Variants in SYT10 observed in about 807,000 individuals in gnomAD.
The protein encoded by SYT10 is synaptotagmin 10, also known as synaptotagmin-10.
Under a neutral mutation model 51.1 loss-of-function variants are expected in SYT10, and 31 were observed. The observed-to-expected ratio is 0.61, with a 90% CI of 0.46 to 0.82. The LOEUF (loss-of-function observed/expected upper bound fraction) is 0.82. Ranked by LOEUF, SYT10 falls within the 40% of genes least tolerant of loss-of-function variation. SYT10 has a pLI of 0.00. For missense variants in SYT10, 603 were observed against 634.0 expected (o/e 0.95, Z 0.53); for synonymous variants, 233 against 225.9 (o/e 1.03, Z -0.28).
In SYT10 at chr12:33,382,412, A is replaced by G. The variant is rs774976396; in HGVS notation, c.1307T>C (p.Phe436Ser). The G allele has an allele frequency of 1.2e-6, 2 of 1,613,078 alleles. No individual in the cohort carries two copies. Among genetic ancestry groups the G allele is most frequent in the Non-Finnish European group, 1.7e-6 (2 of 1,179,500 alleles). The stretch of plus-strand genomic sequence containing the variant: ...GTCCACGTTCTCTGGAGGGATGTCA[A>G]AAATAATGGCCTCATTGTACACAGG... ...LNPVYNEAII[F>S]DIPPENVDQV... Residue 436 changes from phenylalanine to serine, a missense_variant, in exon 5 of 7, where the codon TTT becomes TCT. By Grantham distance (155) the Phe-to-Ser change is radical (BLOSUM62 -2). Transcript: ENST00000228567.
chr12:33,382,274 T>A, intron 5 of SYT10, 75 bp downstream of exon 5: 1 of 1,272,948 alleles, frequency 7.9e-7, no homozygotes, highest in East Asian at 2.8e-5. Flanking sequence ...TGGCAGTAAA[T>A]GACCTGAAAA....
intron 3 of SYT10, among the ~76,000 whole-genome samples, chr12:33,386,671 G>A (rs1866159316): frequency 6.6e-6 from 1 of 151,916 alleles, no homozygotes; most frequent in African/African-American, 2.4e-5. Flanking sequence ...ACATATTTTT[G>A]TAGTACTTAT....
chr12:33,439,196 A>G (rs1311949013), intron 1 of SYT10, among the ~76,000 whole-genome samples, 176 bp downstream of exon 1: 2 of 152,146 alleles, frequency 1.3e-5, no homozygotes, highest in Non-Finnish European at 2.9e-5. Context: ...ACAAAACCCA[A>G]ACGCCCCACC....
intron 2 of SYT10, among the ~76,000 whole-genome samples, chr12:33,421,034 A>C (rs941974297): frequency 7.2e-5 from 11 of 152,184 alleles, no homozygotes; most frequent in Admixed American, 6.5e-4. Context: ...TAGCATAGAT[A>C]ATTTCAATTT....
Position 33,407,170 on chromosome 12 carries a change from A to G in SYT10, c.696T>C (p.Cys232=), listed in dbSNP as rs1866364222. ...ACTGGAGGGTAAAGTTAAGTTTCCC[A>G]CAGATTTTGACATCTTCGTTTTGGT... ...EGNQNEDVKI[C]GKLNFTLQYD... The change falls in exon 3 of 7, where the codon TGT becomes TGC. Residue 232 remains cysteine, a synonymous_variant. Coordinates refer to ENST00000228567, the MANE Select transcript of SYT10 (RefSeq NM_198992.4). 1 of 1,614,040 alleles carries G rather than the reference A, an allele frequency of 6.2e-7. No homozygotes were observed. Among genetic ancestry groups the G allele is most frequent in the South Asian group, 1.1e-5 (1 of 91,078 alleles).
chr12:33,417,670 AGTT>A (rs963855737), intron 2 of SYT10, among the ~76,000 whole-genome samples: 3 of 152,184 alleles, frequency 2.0e-5, no homozygotes, highest in Non-Finnish European at 2.9e-5. Flanking sequence ...GATCCATGAG[AGTT>A]GTTTATATTT....
intron 1 of SYT10, among the ~76,000 whole-genome samples, chr12:33,435,091 G>A (rs1345514013): frequency 1.3e-5 from 2 of 152,172 alleles, no homozygotes; most frequent in Non-Finnish European, 2.9e-5. Context: ...GTAAATGAAT[G>A]CAGATGCATC....
chr12:33,425,808 A>G (rs187052633), intron 2 of SYT10, among the ~76,000 whole-genome samples: 296 of 152,274 alleles, frequency 1.9e-3, no homozygotes, highest in Middle Eastern at 3.4e-3. Context: ...GCAGCTATCA[A>G]CTAATGATAT....
chr12:33,426,452 T>C lies in SYT10; in HGVS notation c.195A>G (p.Gly65=). 1.9e-6 allele frequency: 3 copies of C among 1,607,912 alleles called. No homozygotes were observed. Among genetic ancestry groups the C allele is most frequent in the Non-Finnish European group, 2.5e-6 (3 of 1,178,266 alleles). ...SLLAVVVSFC[G]LALLVVSLFV... ...AAAGTGAGACAACCAACAAGGCCAGTCCACAAAAGCTGACAACGACAGCTA... is the reference window on the plus strand; with the variant it reads ...AAAGTGAGACAACCAACAAGGCCAGCCCACAAAAGCTGACAACGACAGCTA... The change falls in exon 2 of 7, where the codon GGA becomes GGG. Residue 65 remains glycine, a synonymous_variant. Coordinates refer to ENST00000228567, the MANE Select transcript of SYT10 (RefSeq NM_198992.4).
At chr12:33,386,128 C>A (rs1866154369) in intron 3 of SYT10, among the ~76,000 whole-genome samples, 2 of 152,248 alleles carry the variant, frequency 1.3e-5, no homozygotes, top group South Asian at 4.1e-4. Flanking sequence ...TCAAGCAATT[C>A]TCCTGTCTCA....
At chr12:33,432,135 C>G (rs1383365327) in intron 1 of SYT10, among the ~76,000 whole-genome samples, 3 of 151,880 alleles carry the variant, frequency 2.0e-5, no homozygotes, top group Non-Finnish European at 4.4e-5. Context: ...CTTTAAAAGT[C>G]TAAGTTTTAA....
intron 2 of SYT10, among the ~76,000 whole-genome samples, chr12:33,422,503 T>A (rs1485931947): frequency 2.6e-5 from 4 of 152,162 alleles, no homozygotes; most frequent in South Asian, 2.1e-4. Flanking sequence ...ATATTTTTTT[T>A]TGACAAGAGA....
At chr12:33,435,779 G>A (rs1486404043) in intron 1 of SYT10, among the ~76,000 whole-genome samples, 1 of 152,050 alleles carries the variant, frequency 6.6e-6, no homozygotes, top group East Asian at 1.9e-4. Context: ...TGATCTTAGA[G>A]GGAAATTATG....
intron 4 of SYT10, among the ~76,000 whole-genome samples, chr12:33,383,501 G>A (rs1866133247): frequency 1.3e-5 from 2 of 152,118 alleles, no homozygotes; most frequent in South Asian, 4.1e-4. Flanking sequence ...TTCGTGGCTG[G>A]AAATAGGGTA....
At chr12:33,378,862 T>TTG (rs140920905) in intron 6 of SYT10, among the ~76,000 whole-genome samples, 135 of 143,620 alleles carry the variant, frequency 9.4e-4, no homozygotes, top group African/African-American at 2.8e-3. Context: ...GTAGATGCAT[T>TTG]TGTGTGTGTG....
At position 33,376,459 on chromosome 12, in the gene SYT10, T is replaced by C. The variant is rs1003826165; in HGVS notation, c.*371A>G. On this transcript the variant is annotated 3_prime_UTR_variant, in exon 7 of 7. Coordinates refer to ENST00000228567, the MANE Select transcript of SYT10 (RefSeq NM_198992.4). ...ACACAGTATAACAAAATCAAACCCATACATATATGACATGTGCTACTTTAT... is the reference window on the plus strand; with the variant it reads ...ACACAGTATAACAAAATCAAACCCACACATATATGACATGTGCTACTTTAT... 2.0e-5 allele frequency: 4 copies of C among 195,650 alleles called. No homozygotes were observed. The highest frequency in any genetic ancestry group is 1.1e-4 in the East Asian group (1 of 8,896). The allele number at this position is 195,650 out of a possible 1,614,324, so 12.1% of individuals were successfully genotyped here. A position where few individuals can be genotyped will look rare whatever the true frequency, so the allele number is the denominator to read the frequency against.
At chr12:33,381,421 A>G (rs1221014770) in intron 5 of SYT10, among the ~76,000 whole-genome samples, 1 of 152,194 alleles carries the variant, frequency 6.6e-6, no homozygotes, top group Non-Finnish European at 1.5e-5. Context: ...ATACTAAGGT[A>G]CTGTTTATGT....
chr12:33,438,013 C>T (rs1866651811), intron 1 of SYT10, among the ~76,000 whole-genome samples: 1 of 150,310 alleles, frequency 6.7e-6, no homozygotes, highest in Admixed American at 6.6e-5. Flanking sequence ...CAGACAGAGC[C>T]CCCTTGGCTC....
Position 33,426,233 on chromosome 12 carries a change from AGG to A in SYT10, c.412_413del (p.Pro138Ter), listed in dbSNP as rs1866550544. The A allele has an allele frequency of 6.2e-7, 1 of 1,614,150 alleles. No individual in the cohort carries two copies. Among genetic ancestry groups the A allele is most frequent in the East Asian group, 2.2e-5 (1 of 44,886 alleles). ...EPAIKISHTS[P>X]DIPAEVQTAL... ...CAGTTTGGACTTCTGCTGGGATGTC[AGG>A]GGAAGTGTGGCTGATTTTTATTGCA... On this transcript the variant is annotated frameshift_variant, in exon 2 of 7. Coordinates refer to ENST00000228567, the MANE Select transcript of SYT10 (RefSeq NM_198992.4). LOFTEE classifies it high-confidence loss of function.
Sources: gnomAD v4.1 joint callset for allele counts (sites outside exome capture counted in the v4.1 genomes callset) on GRCh38, gnomAD v4.1.1 for gene constraint, MANE v1.5 for transcripts, NCBI Gene and HGNC (gene_info 2026-07-23, HGNC 2026-07-21) for gene names.